EIF2B3: variants seen among roughly 807,000 people sequenced by gnomAD.
The protein encoded by EIF2B3 is eukaryotic translation initiation factor 2B subunit gamma, also known as translation initiation factor eIF2B subunit gamma.
In EIF2B3, 20 loss-of-function variants were observed where a neutral mutation model predicts 54.1. The ratio of observed to expected loss-of-function variants is 0.37; its 90% confidence interval spans 0.26 to 0.54. The LOEUF is 0.54. EIF2B3 is among the 20% of genes least tolerant of loss of function. The probability of loss-of-function intolerance (pLI) is 0.86; values close to 1 mark genes in which losing one functional copy is unlikely to be tolerated. For synonymous variants in EIF2B3, 153 were observed against 188.1 expected (o/e 0.81, Z 1.52); for missense variants, 448 against 547.8 (o/e 0.82, Z 1.82).
At chr1:44,986,136 T>TC (rs376153942) in intron 1 of EIF2B3, among the ~76,000 whole-genome samples, 7,303 of 139,924 alleles carry the variant, frequency 0.052, 294 homozygotes, top group Admixed American at 0.13. Context: ...TTCTTTTCTT[T>TC]TCTTTTTTTT....
chr1:44,900,445 CAAAAAAAAAAAA>C (rs34226720), intron 5 of EIF2B3, among the ~76,000 whole-genome samples: 2 of 43,580 alleles, frequency 4.6e-5, no homozygotes, highest in African/African-American at 1.8e-4. Flanking sequence ...AGAATCATCT[CAAAAAAAAAAAA>C]AAAAAAAAAA....
At chr1:44,855,800 G>A (rs1428167236) in intron 11 of EIF2B3, among the ~76,000 whole-genome samples, 1 of 152,066 alleles carries the variant, frequency 6.6e-6, no homozygotes, top group Non-Finnish European at 1.5e-5. Flanking sequence ...CAGGTGATCC[G>A]CCCACTTCGG....
chr1:44,875,023 C>G (rs1363992813), intron 9 of EIF2B3, among the ~76,000 whole-genome samples, 197 bp from the exon 10 acceptor site: 2 of 152,082 alleles, frequency 1.3e-5, no homozygotes, highest in African/African-American at 4.8e-5. Flanking sequence ...GAAGCATGGG[C>G]CCTCCTCTCT....
At chr1:44,871,768 C>G (rs1303346743) in intron 10 of EIF2B3, among the ~76,000 whole-genome samples, 2 of 151,938 alleles carry the variant, frequency 1.3e-5, no homozygotes, top group Non-Finnish European at 2.9e-5. Context: ...CAGATTATTT[C>G]CAATAGGGTA....
At chr1:44,974,874 C>A (rs982761998) in intron 3 of EIF2B3, among the ~76,000 whole-genome samples, 7 of 152,144 alleles carry the variant, frequency 4.6e-5, no homozygotes, top group African/African-American at 1.7e-4. Context: ...GTTACAATAT[C>A]ATTAAAAATA....
intron 10 of EIF2B3, among the ~76,000 whole-genome samples, chr1:44,872,629 A>T (rs529642669): frequency 6.6e-6 from 1 of 152,192 alleles, no homozygotes; most frequent in African/African-American, 2.4e-5. Flanking sequence ...CAGCCTGGGC[A>T]ACAGAGGGAA....
intron 5 of EIF2B3, among the ~76,000 whole-genome samples, chr1:44,917,004 A>G (rs1316629927): frequency 6.6e-6 from 1 of 152,132 alleles, no homozygotes; most frequent in Non-Finnish European, 1.5e-5. Flanking sequence ...CTTTCCCTGA[A>G]AAGTCTGTGG....
intron 11 of EIF2B3, 81 bp downstream of exon 11, chr1:44,857,623 C>T: frequency 7.4e-7 from 1 of 1,349,680 alleles, no homozygotes; most frequent in Non-Finnish European, 1.1e-6. Flanking sequence ...GTGCTTGTTT[C>T]CCACATCCTC....
chr1:44,897,038 C>T (rs1316021274), intron 6 of EIF2B3, among the ~76,000 whole-genome samples: 4 of 152,182 alleles, frequency 2.6e-5, no homozygotes, highest in African/African-American at 9.7e-5. Flanking sequence ...GTGGAGCTCA[C>T]TCCTGTCAAA....
At chr1:44,950,929 TCCA>T (rs141554909) in intron 3 of EIF2B3, among the ~76,000 whole-genome samples, 23,802 of 152,134 alleles carry the variant, frequency 0.16, 1,917 homozygotes, top group Non-Finnish European at 0.17. Flanking sequence ...CCTCAAGTGA[TCCA>T]CCCACCTTGG....
rs1164527690 is a variant in EIF2B3 at position 44,881,026 on chromosome 1, GTC to G, written c.784+584_784+585del. 6.6e-6 allele frequency among the ~76,000 whole-genome samples: 1 copy of G among 151,858 alleles called. No individual in the cohort carries two copies. Among genetic ancestry groups the G allele is most frequent in the Non-Finnish European group, 1.5e-5 (1 of 67,992 alleles). ...GCAGTCAGATTTCAAATCCAGAACT[GTC>G]TGATGCCCAGTTCTACAGTCCTAAT... is the stretch of plus-strand genomic sequence containing the variant. On this transcript the variant is annotated intron_variant, in intron 7 of 11. Transcript: ENST00000360403. The surrounding 1 kb of genome is among the most constrained non-coding windows in gnomAD (Gnocchi z 4.0).
intron 10 of EIF2B3, among the ~76,000 whole-genome samples, chr1:44,868,496 A>ATT (rs57428854): frequency 1.5e-3 from 197 of 135,442 alleles, no homozygotes; most frequent in African/African-American, 3.4e-3. Context: ...CTAACACTGG[A>ATT]TTTTTTTTTT....
At position 44,947,455 on chromosome 1, in the gene EIF2B3, A is replaced by AG. The variant is rs1057195192; in HGVS notation, c.295-5791dup. ...AGCCAAAACCACTGAGTAAAATTAG[A>AG]GGGGAAAAAAGGTTAAATCAGAAAA... On this transcript the variant is annotated intron_variant, in intron 3 of 11. Coordinates refer to ENST00000360403, the MANE Select transcript of EIF2B3 (RefSeq NM_020365.5). Among the ~76,000 whole-genome samples, 9 of 152,250 alleles carry AG rather than the reference A, an allele frequency of 5.9e-5. No individual in the cohort carries two copies. The South Asian group carries it at 1.2e-3, about 21-fold the overall frequency.
intron 10 of EIF2B3, among the ~76,000 whole-genome samples, chr1:44,870,089 C>G (rs1323832996): frequency 6.6e-6 from 1 of 151,522 alleles, no homozygotes; most frequent in Non-Finnish European, 1.5e-5. Context: ...AGCGGATCAC[C>G]TAAGCCCAGG....
At chr1:44,851,830 T>C (rs777778982) in intron 11 of EIF2B3, among the ~76,000 whole-genome samples, 26 of 152,178 alleles carry the variant, frequency 1.7e-4, no homozygotes, top group Admixed American at 1.4e-3. Flanking sequence ...CTCAATAAGT[T>C]GTGGCTATTA....
chr1:44,920,400 CTTAG>C (rs973222300), intron 5 of EIF2B3, among the ~76,000 whole-genome samples: 2 of 152,134 alleles, frequency 1.3e-5, no homozygotes, highest in Non-Finnish European at 2.9e-5. Flanking sequence ...ATTATACTCT[CTTAG>C]TTATTTTAAA....
chr1:44,881,788 T>C lies in EIF2B3; in HGVS notation c.657-49A>G, dbSNP rs1557668860. ...ATGAGAAACCTGACTGTCTGGAACA[T>C]ACCCGGATCAAAAGCTCTGTGCATA... On this transcript the variant is annotated intron_variant, in intron 6 of 11. Transcript: ENST00000360403. The surrounding 1 kb of genome is among the most constrained non-coding windows in gnomAD (Gnocchi z 4.0). 1 of 1,608,204 alleles carries C rather than the reference T, an allele frequency of 6.2e-7. No individual in the cohort carries two copies. The highest frequency in any genetic ancestry group is 1.1e-5 in the South Asian group (1 of 90,786).
chr1:44,952,556 A>ATTTTT (rs34153088), intron 3 of EIF2B3, among the ~76,000 whole-genome samples: 1 of 141,506 alleles, frequency 7.1e-6, no homozygotes, highest in East Asian at 2.0e-4. Context: ...CTTTTCTCCA[A>ATTTTT]TTTTTTTTTT....
chr1:44,984,795 A>ATTTTTTTTTTTTTT (rs1557718636), intron 1 of EIF2B3, among the ~76,000 whole-genome samples: 2 of 80,468 alleles, frequency 2.5e-5, no homozygotes, highest in African/African-American at 8.6e-5. Flanking sequence ...AATAATGTCC[A>ATTTTTTTTTTTTTT]TCTTTTTTTT....
Sources: allele counts gnomAD v4.1 joint callset (sites outside exome capture counted in the v4.1 genomes callset), GRCh38; gene constraint gnomAD v4.1.1; non-coding constraint Gnocchi (gnomAD v3.1); transcripts MANE v1.5; gene names NCBI Gene and HGNC (gene_info 2026-07-23, HGNC 2026-07-21).